The following CNOT2 variants were observed in gnomAD, a reference collection of about 807,000 sequenced individuals.
CNOT2 encodes the protein CC chemokine receptor 4-negative regulator of transcription 2.
CNOT2 carries 7 observed loss-of-function variants against 72.1 expected under a neutral mutation model. The observed-to-expected ratio is 0.10, with a 90% CI of 0.06 to 0.18. The LOEUF is 0.18. Among genes scored for constraint, CNOT2 ranks in the 10% least tolerant of loss-of-function variants. The pLI, the probability that CNOT2 is intolerant of heterozygous loss-of-function variation, is 1.00. For synonymous variants in CNOT2, 196 were observed against 225.6 expected, an observed-to-expected ratio of 0.87 and a Z score of 1.17; for missense variants, 345 against 660.3, an observed-to-expected ratio of 0.52 and a Z score of 5.23.
rs994904077 is a variant in CNOT2, at chr12:70,353,897, T to G, written c.1605T>G (p.Pro535=). The change falls in exon 16 of 16, where the codon CCT becomes CCG. Residue 535 remains proline (P), a synonymous_variant. Coordinates refer to ENST00000229195, the MANE Select transcript of CNOT2 (RefSeq NM_014515.7). ...TGCCATCCACCTTCAACTACAACCC[T>G]GCTCAGCAAGCCTTCTAAAAAAAAA... ...PHLPSTFNYN[P]AQQAF 9.4e-6 allele frequency: 13 copies of G among 1,383,950 alleles called. No homozygotes were observed. The highest frequency in any genetic ancestry group is 1.3e-5 in the Non-Finnish European group (13 of 1,009,100). 85.7% of individuals were successfully genotyped at this position (1,383,950 alleles called of 1,614,324 possible).
intron 7 of CNOT2, among the ~76,000 whole-genome samples, chr12:70,334,123 A>G (rs183732655): frequency 1.1e-3 from 173 of 152,166 alleles, no homozygotes; most frequent in African/African-American, 3.4e-3. Flanking sequence ...CAAATAATAA[A>G]TGGCAAATTT....
chr12:70,284,131 A>C (rs531885140), intron 2 of CNOT2, among the ~76,000 whole-genome samples: 45 of 151,842 alleles, frequency 3.0e-4, no homozygotes, highest in African/African-American at 1.0e-3. Context: ...TTTTTGGTAG[A>C]GACAGAGTTT....
chr12:70,311,320 A>G (rs1876416514), intron 3 of CNOT2, among the ~76,000 whole-genome samples: 1 of 152,016 alleles, frequency 6.6e-6, no homozygotes, highest in South Asian at 2.1e-4. Flanking sequence ...TTGTTTGTTC[A>G]ATATGGGAAA....
rs1368710070 is a variant in CNOT2 at position 70,255,142 on chromosome 12, G to A, written c.-96+11662G>A. On this transcript the variant is annotated intron_variant, in intron 1 of 15. Transcript: ENST00000229195. ...TATTTTTGCATGCTGAGGTCCTGAT[G>A]CTTTCTCTATGTATCTATAGCAGGA... Among the ~76,000 whole-genome samples the A allele has an allele frequency of 5.3e-5, 8 of 151,362 alleles. 1 individual carries two copies. In the South Asian group the frequency reaches 1.7e-3, roughly 32 times the overall value.
chr12:70,305,371 G>A (rs1593185721), intron 2 of CNOT2, among the ~76,000 whole-genome samples: 1 of 152,166 alleles, frequency 6.6e-6, no homozygotes, highest in East Asian at 1.9e-4. Flanking sequence ...CCGCCTTCAT[G>A]ATTCAGTCAC....
rs1397149420 is a variant in CNOT2 at position 70,257,438 on chromosome 12, G to A, written c.-96+13958G>A. On this transcript the variant is annotated intron_variant, in intron 1 of 15. Transcript: ENST00000229195. ...GGCAGTGGCACCATCTCGGCTCACT[G>A]CAAGCTCCGCCTTCCGGGTTCACGC... 9.0e-5 allele frequency among the ~76,000 whole-genome samples: 13 copies of A among 144,928 alleles called. No homozygotes were observed. In the Admixed American group the frequency reaches 9.8e-4, roughly 11 times the overall value.
chr12:70,257,727 C>A (rs893307776), intron 1 of CNOT2, among the ~76,000 whole-genome samples: 1 of 151,986 alleles, frequency 6.6e-6, no homozygotes, highest in Non-Finnish European at 1.5e-5. Flanking sequence ...TTAGCTATTA[C>A]GCTAAAAAAA....
In CNOT2 at chr12:70,338,835, T is replaced by A; in HGVS notation, c.1178+13T>A. 1 of 1,608,680 alleles carries A rather than the reference T, an allele frequency of 6.2e-7. No individual in the cohort carries two copies. The highest frequency in any genetic ancestry group is 8.5e-7 in the Non-Finnish European group (1 of 1,176,864). ...TGAACTCTCCTGAGTAAGTTTTTTC[T>A]GTTTTTCCATGTCTGTATATAATAC... On this transcript the variant is annotated intron_variant, in intron 11 of 15. Transcript: ENST00000229195.
chr12:70,263,168 T>A (rs1958859374), intron 1 of CNOT2, among the ~76,000 whole-genome samples: 5 of 152,246 alleles, frequency 3.3e-5, no homozygotes, highest in African/African-American at 1.2e-4. Context: ...CGTTTTGTGC[T>A]ATGATGTTTC....
At chr12:70,334,339 ACAGC>A (rs1246247454) in intron 7 of CNOT2, 4 of 152,044 alleles carry the variant, frequency 2.6e-5, no homozygotes, top group African/African-American at 7.2e-5. Context: ...GTTTTTGTAA[ACAGC>A]CAGGTATAAA....
chr12:70,243,674 G>C (rs1957689072), intron 1 of CNOT2, 194 bp downstream of exon 1: 1 of 151,304 alleles, frequency 6.6e-6, no homozygotes, highest in South Asian at 2.1e-4. Context: ...AGCGGAGCGG[G>C]CGGGGAGGGG....
At chr12:70,245,807 T>C (rs949185592) in intron 1 of CNOT2, among the ~76,000 whole-genome samples, 1 of 152,314 alleles carries the variant, frequency 6.6e-6, no homozygotes, top group African/African-American at 2.4e-5. Flanking sequence ...CCTTTGTTTT[T>C]GCTTTATAAC....
At chr12:70,351,304 TAGAC>T (rs978145860) in intron 15 of CNOT2, among the ~76,000 whole-genome samples, 49 of 152,178 alleles carry the variant, frequency 3.2e-4, no homozygotes, top group Non-Finnish European at 6.2e-4. Flanking sequence ...ACAAAGTAGA[TAGAC>T]ACTTGCTCCT....
chr12:70,339,631 G>A lies in CNOT2; in HGVS notation c.1178+809G>A, dbSNP rs559520256. 2.0e-5 allele frequency among the ~76,000 whole-genome samples: 3 copies of A among 152,224 alleles called. No individual in the cohort carries two copies. In the East Asian group the frequency reaches 5.8e-4, roughly 29 times the overall value. ...TCTTCCTTTATTTTCATGCCCAGGA[G>A]CCTCAAAAGTAGGCTCTTAATTCTA... On this transcript the variant is annotated intron_variant, in intron 11 of 15. Transcript: ENST00000229195.
chr12:70,285,818 A>G (rs570122510), intron 2 of CNOT2, among the ~76,000 whole-genome samples: 19 of 152,226 alleles, frequency 1.2e-4, no homozygotes, highest in South Asian at 4.1e-4. Context: ...GAGGCACCCA[A>G]TGTAGTCAAC....
chr12:70,340,224 G>A (rs929557677), intron 11 of CNOT2, among the ~76,000 whole-genome samples: 1 of 152,118 alleles, frequency 6.6e-6, no homozygotes, highest in Non-Finnish European at 1.5e-5. Context: ...ATTAAATTCA[G>A]TGGTCACTTG....
At chr12:70,274,574 A>G (rs1868438576) in intron 1 of CNOT2, among the ~76,000 whole-genome samples, 1 of 152,108 alleles carries the variant, frequency 6.6e-6, no homozygotes, top group African/African-American at 2.4e-5. Context: ...CATTGTTTAA[A>G]TACTATTGAG....
intron 4 of CNOT2, among the ~76,000 whole-genome samples, chr12:70,326,650 T>G (rs755347840): frequency 1.8e-4 from 28 of 151,820 alleles, no homozygotes; most frequent in Non-Finnish European, 2.5e-4. Context: ...AACAAATCTT[T>G]ATATATACCT....
intron 1 of CNOT2, among the ~76,000 whole-genome samples, chr12:70,245,309 T>G (rs956485375): frequency 3.9e-5 from 6 of 152,212 alleles, no homozygotes; most frequent in African/African-American, 1.4e-4. Context: ...TTTCTTGACT[T>G]TGTAAGATCC....
Sources: gnomAD v4.1 joint callset for allele counts (sites outside exome capture counted in the v4.1 genomes callset) on GRCh38, gnomAD v4.1.1 for gene constraint, MANE v1.5 for transcripts, NCBI Gene and HGNC (gene_info 2026-07-23, HGNC 2026-07-21) for gene names.